The following ADGRB1 variants were observed in gnomAD, a reference collection of about 807,000 sequenced individuals.
The protein encoded by ADGRB1 is adhesion G protein-coupled receptor B1, also known as brain-specific angiogenesis inhibitor 1.
ADGRB1 carries 36 observed loss-of-function variants against 175.7 expected under a neutral mutation model. That is an observed-to-expected ratio of 0.20 (90% CI 0.16 to 0.27). ADGRB1 has a LOEUF of 0.27. ADGRB1 is among the 10% of genes least tolerant of loss of function. The probability of loss-of-function intolerance (pLI) is 1.00; values close to 1 mark genes in which losing one functional copy is unlikely to be tolerated. For missense variants in ADGRB1, 1,731 were observed against 2,255.3 expected (o/e 0.77, Z 4.71); for synonymous variants, 1,054 against 979.4 (o/e 1.08, Z -1.42).
chr8:142,539,158 ACT>A (rs1183502449), intron 26 of ADGRB1, among the ~76,000 whole-genome samples: 18 of 152,162 alleles, frequency 1.2e-4, no homozygotes, highest in African/African-American at 4.3e-4. Context: ...GCACGCATAC[ACT>A]CACACACGCA....
rs1299585125 is a variant in ADGRB1, at chr8:142,537,108, G to A, written c.3666+26G>A. ...GTAGGACTCAGGGCCCGGGGACTCA[G>A]GCTGCCCTACCTGCCTCGTACCCCC... On this transcript the variant is annotated intron_variant, in intron 26 of 30. Transcript: ENST00000517894. The surrounding 1 kb of genome is among the most constrained non-coding windows in gnomAD (Gnocchi z 4.6). 6.9e-7 allele frequency: 1 copy of A among 1,448,090 alleles called. No homozygotes were observed. The highest frequency in any genetic ancestry group is 2.4e-5 in the Admixed American group (1 of 41,990). 89.7% of individuals were successfully genotyped at this position (1,448,090 alleles called of 1,614,324 possible).
At position 142,536,919 on chromosome 8, in the gene ADGRB1, A is replaced by G. The variant is rs551504534; in HGVS notation, c.3571-68A>G. On this transcript the variant is annotated intron_variant, in intron 25 of 30. Coordinates refer to ENST00000517894, the MANE Select transcript of ADGRB1 (RefSeq NM_001702.3). The stretch of plus-strand genomic sequence containing the variant: ...GCCCGCCCCCCCACAGGTGCTGCTC[A>G]TCTGATCTGGCGCTGGCGCAGGGTG... 40 of 1,374,826 alleles carry G rather than the reference A, an allele frequency of 2.9e-5. No individual in the cohort carries two copies. In the African/African-American group the frequency reaches 5.3e-4, roughly 18 times the overall value. 85.2% of individuals were successfully genotyped at this position (1,374,826 alleles called of 1,614,324 possible).
At chr8:142,457,342 G>C (rs1206577761) in intron 1 of ADGRB1, among the ~76,000 whole-genome samples, 1 of 152,210 alleles carries the variant, frequency 6.6e-6, no homozygotes, top group Non-Finnish European at 1.5e-5. Flanking sequence ...AGAGCATGGG[G>C]CTGGCCAGAG....
In ADGRB1 at chr8:142,537,625, C is replaced by T. The variant is rs1845014125; in HGVS notation, c.3666+543C>T. On this transcript the variant is annotated intron_variant, in intron 26 of 30. Transcript: ENST00000517894. The surrounding 1 kb of genome is among the most constrained non-coding windows in gnomAD (Gnocchi z 4.6). ...TGGCCCCTGGCCATCCTGCCTTCAC[C>T]CTCTCTGGGCTCTCTGCCCTCCCCC... Among the ~76,000 whole-genome samples, 1 of 152,106 alleles carries T rather than the reference C, an allele frequency of 6.6e-6. No individual in the cohort carries two copies. Among genetic ancestry groups the T allele is most frequent in the Non-Finnish European group, 1.5e-5 (1 of 67,994 alleles).
At chr8:142,484,202 G>T (rs1264260907) in intron 12 of ADGRB1, among the ~76,000 whole-genome samples, 157 bp downstream of exon 12, 1 of 152,244 alleles carries the variant, frequency 6.6e-6, no homozygotes, top group African/African-American at 2.4e-5. Flanking sequence ...CACTGAGGAA[G>T]CTCAGCATTC....
In ADGRB1 at chr8:142,490,953, G is replaced by T. The variant is rs1841952690; in HGVS notation, c.2675+138G>T. The T allele has an allele frequency of 9.8e-6, 11 of 1,127,016 alleles. No homozygotes were observed. The South Asian group carries it at 1.7e-4, about 17-fold the overall frequency. The allele number at this position is 1,127,016 out of a possible 1,614,324, so 69.8% of individuals were successfully genotyped here. A position where few individuals can be genotyped will look rare whatever the true frequency, so the allele number is the denominator to read the frequency against. On this transcript the variant is annotated intron_variant, in intron 17 of 30. Transcript: ENST00000517894. ...TCTGTGTACCCGCATGGGCCTCCGT[G>T]TCACCACCTGTCACTCACTGTCTGG...
intron 1 of ADGRB1, among the ~76,000 whole-genome samples, chr8:142,452,853 C>G (rs577056610): frequency 2.0e-5 from 3 of 150,932 alleles, no homozygotes; most frequent in African/African-American, 7.2e-5. Context: ...CAGGCCCAGG[C>G]GGCCGGCGCG....
At position 142,457,114 on chromosome 8, in the gene ADGRB1, G is replaced by A. The variant is rs111252780; in HGVS notation, c.-219-6866G>A. ...GACTACGGGAGATGCAGTGAGGCCC[G>A]GAACCTGAGGGCCGTTGGAAAGCTG... On this transcript the variant is annotated intron_variant, in intron 1 of 30. Transcript: ENST00000517894. Among the ~76,000 whole-genome samples the A allele has an allele frequency of 2.4e-3, 359 of 152,312 alleles. 3 individuals are homozygous for A. Among genetic ancestry groups the A allele is most frequent in the African/African-American group, 8.1e-3 (336 of 41,568 alleles).
At chr8:142,490,358 C>T (rs111291936) in intron 16 of ADGRB1, among the ~76,000 whole-genome samples, 3,432 of 152,288 alleles carry the variant, frequency 0.023, 141 homozygotes, top group African/African-American at 0.078. Context: ...GGCTGTGTCC[C>T]AGGAATGCTA....
At chr8:142,519,840 G>A (rs111163028) in intron 19 of ADGRB1, among the ~76,000 whole-genome samples, 2,068 of 150,818 alleles carry the variant, frequency 0.014, 32 homozygotes, top group African/African-American at 0.048. Flanking sequence ...TGTGATGGTG[G>A]TAGTGATGGT....
chr8:142,481,669 T>A lies in ADGRB1; in HGVS notation c.2088T>A (p.Ile696=). ...TIDVLRNMTE[I]FRRAYYSPTP... is the part of the protein sequence containing the mutation. ...ATGTCCTGAGGAACATGACAGAGAT[T>A]TTCCGGAGAGCGTACTACAGCCCCA... The change falls in exon 11 of 31, where the codon ATT becomes ATA. Residue 696 remains isoleucine (I), a synonymous_variant. Transcript: ENST00000517894. The A allele has an allele frequency of 3.1e-6, 5 of 1,604,614 alleles. No homozygotes were observed. The highest frequency in any genetic ancestry group is 4.3e-6 in the Non-Finnish European group (5 of 1,174,430).
intron 1 of ADGRB1, among the ~76,000 whole-genome samples, chr8:142,453,803 C>T (rs1839500620): frequency 6.6e-6 from 1 of 152,216 alleles, no homozygotes; most frequent in Admixed American, 6.5e-5. Context: ...AAGAAGGCAA[C>T]CTACAGAGGC....
chr8:142,536,417 C>T (rs904371462), intron 25 of ADGRB1, among the ~76,000 whole-genome samples: 9 of 152,184 alleles, frequency 5.9e-5, no homozygotes, highest in Non-Finnish European at 1.2e-4. Flanking sequence ...CCCTGTAGCC[C>T]CTCCTACAGA....
At chr8:142,486,602 G>T (rs1220529246) in intron 13 of ADGRB1, among the ~76,000 whole-genome samples, 1 of 152,210 alleles carries the variant, frequency 6.6e-6, no homozygotes, top group Non-Finnish European at 1.5e-5. Flanking sequence ...ATTCAGACGT[G>T]TCTGGTGGAA....
In ADGRB1 at chr8:142,539,467, C is replaced by T. The variant is rs1845136054; in HGVS notation, c.3706+54C>T. The T allele has an allele frequency of 3.2e-6, 5 of 1,574,998 alleles. No individual in the cohort carries two copies. The East Asian group carries it at 9.4e-5, about 30-fold the overall frequency. On this transcript the variant is annotated intron_variant, in intron 27 of 30. Transcript: ENST00000517894. ...GCCAGCCCGGCCCCCTGCATGGCCCCACTCCACGCCTCCGCCTGTGCCTCC... is the reference window on the plus strand; with the variant it reads ...GCCAGCCCGGCCCCCTGCATGGCCCTACTCCACGCCTCCGCCTGTGCCTCC...
At chr8:142,463,906 G>C (rs986537670) in intron 1 of ADGRB1, 74 bp from the exon 2 acceptor site, 1 of 294,234 alleles carries the variant, frequency 3.4e-6, no homozygotes, top group African/African-American at 2.2e-5. Flanking sequence ...CCTCCTCTGA[G>C]AGAGCCCACC....
chr8:142,526,466 A>G (rs2132164612), intron 23 of ADGRB1, 76 bp from the exon 24 acceptor site: 1 of 1,349,234 alleles, frequency 7.4e-7, no homozygotes, highest in South Asian at 1.2e-5. Flanking sequence ...CGTAGCCAGC[A>G]TCGGTCCGGC....
chr8:142,500,637 G>A lies in ADGRB1; in HGVS notation c.2675+9822G>A, dbSNP rs902134019. Among the ~76,000 whole-genome samples, 10 of 151,992 alleles carry A rather than the reference G, an allele frequency of 6.6e-5. 1 individual carries two copies. The highest frequency in any genetic ancestry group is 6.5e-4 in the Admixed American group (10 of 15,276). On this transcript the variant is annotated intron_variant, in intron 17 of 30. Coordinates refer to ENST00000517894, the MANE Select transcript of ADGRB1 (RefSeq NM_001702.3). ...CTTCATCAAAGCCCCACCTTCCCAG[G>A]CCCCTCAGTGTTACCCTGAGGTCAG...
chr8:142,487,894 C>A (rs540172086), intron 13 of ADGRB1, among the ~76,000 whole-genome samples: 19 of 152,346 alleles, frequency 1.2e-4, no homozygotes, highest in South Asian at 8.3e-4. Context: ...AGGGCAGCCC[C>A]CATCCCCCTT....
Sources: allele counts gnomAD v4.1 joint callset (sites outside exome capture counted in the v4.1 genomes callset), GRCh38; gene constraint gnomAD v4.1.1; non-coding constraint Gnocchi (gnomAD v3.1); transcripts MANE v1.5; gene names NCBI Gene and HGNC (gene_info 2026-07-23, HGNC 2026-07-21).